TBC1D19: variants seen among roughly 807,000 people sequenced by gnomAD.
The protein encoded by TBC1D19 is TBC1 domain family, member 19.
A neutral mutation model predicts 89.0 loss-of-function variants in TBC1D19; 60 were observed. The observed-to-expected ratio is 0.67, with a 90% CI of 0.55 to 0.84. The LOEUF is 0.84. Among genes scored for constraint, TBC1D19 ranks in the 40% least tolerant of loss-of-function variants. The pLI is 0.00. For missense variants in TBC1D19, 500 were observed against 610.8 expected (o/e 0.82, Z 1.91); for synonymous variants, 189 against 199.7 (o/e 0.95, Z 0.45).
intron 11 of TBC1D19, among the ~76,000 whole-genome samples, chr4:26,680,733 A>G (rs1003858901): frequency 2.8e-4 from 42 of 152,234 alleles, no homozygotes; most frequent in African/African-American, 9.9e-4. Flanking sequence ...TACCTACAGT[A>G]TTGATACCAG....
chr4:26,584,307 G>A lies in TBC1D19; in HGVS notation c.99+15G>A. On this transcript the variant is annotated intron_variant, in intron 1 of 20. Coordinates refer to ENST00000264866, the MANE Select transcript of TBC1D19 (RefSeq NM_018317.4). ...GGCAGGCCTGGGTAAGTGAGGCCGA[G>A]TGGGAAGGGATGCAGACGGGCGGGG... 1 of 1,601,198 alleles carries A rather than the reference G, an allele frequency of 6.2e-7. No individual in the cohort carries two copies. The highest frequency in any genetic ancestry group is 1.1e-5 in the South Asian group (1 of 88,470).
At chr4:26,614,654 G>T (rs866123322) in intron 3 of TBC1D19, among the ~76,000 whole-genome samples, 5 of 151,970 alleles carry the variant, frequency 3.3e-5, no homozygotes, top group South Asian at 4.2e-4. Context: ...TTTTGTTTTT[G>T]TTTTTTACCA....
chr4:26,724,054 A>T (rs114677405), intron 15 of TBC1D19, among the ~76,000 whole-genome samples: 2,291 of 152,304 alleles, frequency 0.015, 54 homozygotes, highest in African/African-American at 0.051. Flanking sequence ...GGAGTATGCT[A>T]TGCAATGAAA....
chr4:26,783,497 TCAAA>T, the TBC1D19 span, among the ~76,000 whole-genome samples: 1 of 152,206 alleles, frequency 6.6e-6, no homozygotes, highest in Non-Finnish European at 1.5e-5. Flanking sequence ...TTTTGAGTGT[TCAAA>T]CATTTTGAAC....
intron 18 of TBC1D19, among the ~76,000 whole-genome samples, chr4:26,743,591 T>A (rs1718489821): frequency 6.6e-6 from 1 of 152,048 alleles, no homozygotes; most frequent in African/African-American, 2.4e-5. Context: ...GAGATAGAGA[T>A]AGGTAGATAT....
chr4:26,650,421 G>A (rs1287962860), intron 7 of TBC1D19, among the ~76,000 whole-genome samples: 1 of 152,130 alleles, frequency 6.6e-6, no homozygotes, highest in Non-Finnish European at 1.5e-5. Flanking sequence ...GGTGTGAGAT[G>A]GTATCTCATT....
At chr4:26,737,330 CA>C in intron 16 of TBC1D19, among the ~76,000 whole-genome samples, 1 of 151,822 alleles carries the variant, frequency 6.6e-6, no homozygotes, top group Admixed American at 6.6e-5. Context: ...AATAGAAAAC[CA>C]AAAAAGATTA....
At chr4:26,647,258 C>G (rs193194672) in intron 7 of TBC1D19, among the ~76,000 whole-genome samples, 10 of 152,250 alleles carry the variant, frequency 6.6e-5, no homozygotes, top group Admixed American at 6.5e-4. Flanking sequence ...GGAGGAGGAA[C>G]AGGGCTGTTA....
At chr4:26,644,875 G>A (rs1743807819) in intron 7 of TBC1D19, among the ~76,000 whole-genome samples, 1 of 152,108 alleles carries the variant, frequency 6.6e-6, no homozygotes, top group Non-Finnish European at 1.5e-5. Context: ...GGGATGTGAA[G>A]GACCTCTTGA....
At chr4:26,590,801 T>TTG (rs1221068699) in intron 1 of TBC1D19, among the ~76,000 whole-genome samples, 2 of 113,274 alleles carry the variant, frequency 1.8e-5, no homozygotes, top group African/African-American at 6.4e-5. Flanking sequence ...GGTCTGTTTT[T>TTG]TTTTTTTTTT....
chr4:26,766,032 G>A, the TBC1D19 span, among the ~76,000 whole-genome samples: 25 of 152,292 alleles, frequency 1.6e-4, 1 homozygote, highest in East Asian at 4.8e-3. Flanking sequence ...CTGACCCATG[G>A]TGGGGAGGTG....
intron 1 of TBC1D19, among the ~76,000 whole-genome samples, chr4:26,604,343 G>C (rs1740837840): frequency 6.6e-6 from 1 of 150,468 alleles, no homozygotes; most frequent in African/African-American, 2.4e-5. Flanking sequence ...TAGTAGAGAT[G>C]GGGTTTCGCT....
intron 4 of TBC1D19, among the ~76,000 whole-genome samples, chr4:26,624,586 T>G (rs571478822): frequency 1.3e-5 from 2 of 152,264 alleles, no homozygotes; most frequent in East Asian, 1.9e-4. Flanking sequence ...TTAAAAACAT[T>G]TTTACATAAC....
At chr4:26,697,959 G>T in intron 13 of TBC1D19, among the ~76,000 whole-genome samples, 1 of 152,118 alleles carries the variant, frequency 6.6e-6, no homozygotes, top group Admixed American at 6.6e-5. Context: ...CACAAGACAG[G>T]GATGCCCTCT....
intron 14 of TBC1D19, 40 bp downstream of exon 14, chr4:26,718,057 A>T (rs758469250): frequency 6.9e-7 from 1 of 1,442,536 alleles, no homozygotes; most frequent in South Asian, 1.2e-5. Context: ...TAAGACTTAC[A>T]TAATCATGCC....
chr4:26,748,596 C>T, intron 19 of TBC1D19, 70 bp downstream of exon 19: 1 of 1,102,334 alleles, frequency 9.1e-7, no homozygotes, highest in South Asian at 1.3e-5. Context: ...TCCTAACATT[C>T]ACCATCCGTA....
At chr4:26,633,965 G>A (rs1742958496) in intron 4 of TBC1D19, among the ~76,000 whole-genome samples, 2 of 151,890 alleles carry the variant, frequency 1.3e-5, no homozygotes, top group South Asian at 4.2e-4. Context: ...GTCATGTAAT[G>A]ACTTCACTTT....
chr4:26,817,982 AT>A, the TBC1D19 span, among the ~76,000 whole-genome samples: 35,768 of 110,594 alleles, frequency 0.32, 5,285 homozygotes, highest in Admixed American at 0.35. Context: ...AAAAAAAAAA[AT>A]ATATATATAT....
intron 1 of TBC1D19, among the ~76,000 whole-genome samples, chr4:26,586,496 C>T (rs965489306): frequency 2.0e-5 from 3 of 152,028 alleles, no homozygotes; most frequent in African/African-American, 7.2e-5. Context: ...TAAATTACTA[C>T]AAAAATTGTT....
Sources: gnomAD v4.1 joint callset for allele counts (sites outside exome capture counted in the v4.1 genomes callset) on GRCh38, gnomAD v4.1.1 for gene constraint, MANE v1.5 for transcripts, NCBI Gene and HGNC (gene_info 2026-07-23, HGNC 2026-07-21) for gene names.